Variants in TRAPPC13 observed in about 807,000 individuals in gnomAD.
TRAPPC13 encodes trafficking protein particle complex subunit 13.
A neutral mutation model predicts 54.0 loss-of-function variants in TRAPPC13; 39 were observed. The observed-to-expected ratio is 0.72, with a 90% CI of 0.56 to 0.94. The LOEUF (loss-of-function observed/expected upper bound fraction) is 0.94. Among genes scored for constraint, TRAPPC13 ranks in the 40% least tolerant of loss-of-function variants. The probability of loss-of-function intolerance (pLI) is 0.00; values close to 1 mark genes in which losing one functional copy is unlikely to be tolerated. For synonymous variants in TRAPPC13, 148 were observed against 167.7 expected (o/e 0.88, Z 0.91); for missense variants, 386 against 488.1 (o/e 0.79, Z 1.97).
In TRAPPC13 at chr5:65,654,894, C is replaced by T. The variant is rs10075894; in HGVS notation, c.547-742C>T. ...GAACATCTTCCCAATTCTGAAGGGA[C>T]CTGCATCCAGTAGAGGAGACTGACA... On this transcript the variant is annotated intron_variant, in intron 7 of 12. Transcript: ENST00000399438. Among the ~76,000 whole-genome samples the T allele has an allele frequency of 1.5e-3, 235 of 152,250 alleles. 1 individual carries two copies. Among genetic ancestry groups the T allele is most frequent in the African/African-American group, 5.6e-3 (233 of 41,542 alleles).
chr5:65,637,702 AT>A lies in TRAPPC13; in HGVS notation c.227del (p.Leu76TrpfsTer19). The A allele has an allele frequency of 1.9e-6, 3 of 1,544,324 alleles. No homozygotes were observed. The highest frequency in any genetic ancestry group is 2.6e-6 in the Non-Finnish European group (3 of 1,134,480). On this transcript the variant is annotated frameshift_variant, in exon 4 of 13. Coordinates refer to ENST00000399438, the MANE Select transcript of TRAPPC13 (RefSeq NM_024941.4). LOFTEE classifies it high-confidence loss of function. Reference sequence around the variant, plus strand: ...TACTTATTTTATTTTACAGGAATATATTTTTGGGAGAGACCTTTTCCAGTTA... The same window carrying A: ...TACTTATTTTATTTTACAGGAATATATTTTGGGAGAGACCTTTTCCAGTTA... ...LTLPQNFGNI[F>X]LGETFSSYIS...
chr5:65,650,728 T>A, intron 5 of TRAPPC13, 82 bp from the exon 6 acceptor site: 1 of 1,149,220 alleles, frequency 8.7e-7, no homozygotes, highest in East Asian at 2.4e-5. Context: ...TTTTCCAAAT[T>A]TCTTAGTAGA....
At chr5:65,660,495 C>T (rs1454350327) in intron 9 of TRAPPC13, among the ~76,000 whole-genome samples, 2 of 150,434 alleles carry the variant, frequency 1.3e-5, no homozygotes, top group African/African-American at 4.9e-5. Flanking sequence ...TCAAGATTTT[C>T]GATATCAACT....
chr5:65,662,801 A>G (rs1169123849), intron 11 of TRAPPC13: 1 of 152,094 alleles, frequency 6.6e-6, no homozygotes, highest in Non-Finnish European at 1.5e-5. Context: ...TTCCATATTT[A>G]TTCTTTTTGG....
Position 65,625,077 on chromosome 5 carries a change from C to T in TRAPPC13, c.17C>T (p.Pro6Leu), listed in dbSNP as rs761739530. The T allele has an allele frequency of 6.2e-7, 1 of 1,613,830 alleles. No homozygotes were observed. Among genetic ancestry groups the T allele is most frequent in the Middle Eastern group, 1.7e-4 (1 of 6,060 alleles). The change falls in exon 1 of 13, where the codon CCT becomes CTT. Residue 6 changes from proline to leucine, a missense_variant. Coordinates refer to ENST00000399438, the MANE Select transcript of TRAPPC13 (RefSeq NM_024941.4). Reference protein sequence around the residue: MEVNPPKQEHLLALKV... With the variant: MEVNPLKQEHLLALKV... Reference sequence around the variant, plus strand: ...CCGGTCAAAATGGAAGTGAATCCCCCTAAACAGGAGCACCTGCTGGCGCTA... The same window carrying T: ...CCGGTCAAAATGGAAGTGAATCCCCTTAAACAGGAGCACCTGCTGGCGCTA...
rs532047558 is a variant in TRAPPC13 at position 65,637,997 on chromosome 5, T to C, written c.300+217T>C. 1.8e-3 allele frequency among the ~76,000 whole-genome samples: 276 copies of C among 151,240 alleles called. 1 individual carries two copies. The highest frequency in any genetic ancestry group is 2.9e-3 in the Non-Finnish European group (199 of 67,846). ...AGCCAGGTGTGGTGGTGCACACCTG[T>C]AGTCCCAGCTACTCGGGAGGCTAAG... On this transcript the variant is annotated intron_variant, in intron 4 of 12. Transcript: ENST00000399438.
In TRAPPC13 at chr5:65,664,810, T is replaced by C. The variant is rs185282257; in HGVS notation, c.*199T>C. The C allele has an allele frequency of 8.7e-6, 5 of 576,550 alleles. No homozygotes were observed. In the Admixed American group the frequency reaches 1.7e-4, roughly 19 times the overall value. 35.7% of individuals were successfully genotyped at this position (576,550 alleles called of 1,614,324 possible). A position where few individuals can be genotyped will look rare whatever the true frequency, so the allele number is the denominator to read the frequency against. On this transcript the variant is annotated 3_prime_UTR_variant, in exon 13 of 13. Transcript: ENST00000399438. ...TTTATATTTGAAATGAACATGTGTATATTTTCTACACCTATTATTTAATTT... is the reference window on the plus strand; with the variant it reads ...TTTATATTTGAAATGAACATGTGTACATTTTCTACACCTATTATTTAATTT...
intron 8 of TRAPPC13, among the ~76,000 whole-genome samples, chr5:65,655,909 AT>A (rs60010914): frequency 0.25 from 37,727 of 150,700 alleles, 4,995 homozygotes; most frequent in Non-Finnish European, 0.3. Flanking sequence ...TCTTCTTTAG[AT>A]TTTTTTTTTA....
chr5:65,665,454 T>C lies in TRAPPC13; in HGVS notation c.*843T>C, dbSNP rs1757006367. The C allele has an allele frequency of 6.6e-6, 1 of 152,196 alleles. No homozygotes were observed. The highest frequency in any genetic ancestry group is 1.5e-5 in the Non-Finnish European group (1 of 68,028). 9.4% of individuals were successfully genotyped at this position (152,196 alleles called of 1,614,324 possible). Reference sequence around the variant, plus strand: ...ATTACTGTAATGGTTTGTGTCTGTATTTGTATATTATACCTACAAACATAC... The same window carrying C: ...ATTACTGTAATGGTTTGTGTCTGTACTTGTATATTATACCTACAAACATAC... On this transcript the variant is annotated 3_prime_UTR_variant, in exon 13 of 13. Coordinates refer to ENST00000399438, the MANE Select transcript of TRAPPC13 (RefSeq NM_024941.4).
Position 65,627,376 on chromosome 5 carries a change from T to G in TRAPPC13, c.46+2270T>G, listed in dbSNP as rs138733513. Among the ~76,000 whole-genome samples the G allele has an allele frequency of 7.2e-3, 1,103 of 152,158 alleles. 10 individuals carry two copies. Among genetic ancestry groups the G allele is most frequent in the Middle Eastern group, 0.024 (7 of 292 alleles). On this transcript the variant is annotated intron_variant, in intron 1 of 12. Coordinates refer to ENST00000399438, the MANE Select transcript of TRAPPC13 (RefSeq NM_024941.4). ...AATATGTAAAATGTTAAAGATAATA[T>G]CTTGTTATTCTTGGTTGGGTGAGGT... is the stretch of plus-strand genomic sequence containing the variant.
intron 4 of TRAPPC13, among the ~76,000 whole-genome samples, chr5:65,641,723 A>C (rs1324535939): frequency 6.6e-5 from 10 of 151,528 alleles, no homozygotes; most frequent in Middle Eastern, 3.2e-3. Flanking sequence ...AAAAAAAAAA[A>C]AACAAAAAAA....
chr5:65,645,924 A>AT (rs34495270), intron 4 of TRAPPC13, among the ~76,000 whole-genome samples: 37,976 of 150,440 alleles, frequency 0.25, 5,002 homozygotes, highest in Non-Finnish European at 0.3. Flanking sequence ...CTTTCCCTCA[A>AT]TTTTTTTTTT....
intron 10 of TRAPPC13, 99 bp downstream of exon 10, chr5:65,660,996 A>G: frequency 2.1e-6 from 2 of 964,120 alleles, no homozygotes; most frequent in Admixed American, 5.8e-5. Context: ...AAATTGGAGC[A>G]CTATAAAAGG....
In TRAPPC13 at chr5:65,637,758, T is replaced by C. The variant is rs1755806458; in HGVS notation, c.278T>C (p.Val93Ala). 2 of 1,573,888 alleles carry C rather than the reference T, an allele frequency of 1.3e-6. No homozygotes were observed. Among genetic ancestry groups the C allele is most frequent in the African/African-American group, 1.4e-5 (1 of 72,772 alleles). The change falls in exon 4 of 13, where the codon GTT (valine) becomes GCT (alanine). Residue 93 changes from valine (V) to alanine (A), a missense_variant. Transcript: ENST00000399438. The part of the protein sequence containing the change: ...YISVHNDSNQ[V>A]VKDILVKADL... Reference sequence around the variant, plus strand: ...AGCGTTCATAATGATAGCAATCAAGTTGTAAAAGACATATTAGTAAAAGTA... The same window carrying C: ...AGCGTTCATAATGATAGCAATCAAGCTGTAAAAGACATATTAGTAAAAGTA...
chr5:65,657,085 T>C (rs27596), intron 8 of TRAPPC13, among the ~76,000 whole-genome samples: 59 of 151,086 alleles, frequency 3.9e-4, no homozygotes, highest in African/African-American at 1.4e-3. Context: ...TTGTGGGGGT[T>C]GGGGGAAGCT....
At chr5:65,662,981 A>G (rs1191882259) in intron 11 of TRAPPC13, 2 of 152,144 alleles carry the variant, frequency 1.3e-5, no homozygotes, top group Non-Finnish European at 2.9e-5. Flanking sequence ...TGACACTCAT[A>G]TATTACTGTA....
rs1480725796 is a variant in TRAPPC13, at chr5:65,634,919, A to G, written c.47-382A>G. ...CTCAAAAAAAAAACAAAAAACACTTACTGAGTTTCCAAAGTTAATATTTTG... is the reference window on the plus strand; with the variant it reads ...CTCAAAAAAAAAACAAAAAACACTTGCTGAGTTTCCAAAGTTAATATTTTG... On this transcript the variant is annotated intron_variant, in intron 1 of 12. Coordinates refer to ENST00000399438, the MANE Select transcript of TRAPPC13 (RefSeq NM_024941.4). 3.2e-5 allele frequency: 24 copies of G among 751,702 alleles called. No individual in the cohort carries two copies. The South Asian group carries it at 1.3e-3, about 41-fold the overall frequency. The allele number at this position is 751,702 out of a possible 1,614,324, so 46.6% of individuals were successfully genotyped here.
At chr5:65,652,742 A>T (rs764919963) in intron 7 of TRAPPC13, 197 bp downstream of exon 7, 1 of 625,886 alleles carries the variant, frequency 1.6e-6, no homozygotes, top group African/African-American at 1.9e-5. Context: ...CATGGAATCA[A>T]TGTGTCTTGA....
intron 1 of TRAPPC13, chr5:65,630,367 T>C (rs1351330582): frequency 8.2e-6 from 12 of 1,458,142 alleles, no homozygotes; most frequent in South Asian, 1.4e-5. Context: ...TCAAAAAGAA[T>C]ATTCTGAATG....
Sources: gnomAD v4.1 joint callset for allele counts (sites outside exome capture counted in the v4.1 genomes callset) on GRCh38, gnomAD v4.1.1 for gene constraint, MANE v1.5 for transcripts, NCBI Gene and HGNC (gene_info 2026-07-23, HGNC 2026-07-21) for gene names.